The following MAN1A1 variants were observed in gnomAD, a reference collection of about 807,000 sequenced individuals.
The protein encoded by MAN1A1 is mannosyl-oligosaccharide 1,2-alpha-mannosidase IA.
Under a neutral mutation model 70.8 loss-of-function variants are expected in MAN1A1, and 29 were observed. The ratio of observed to expected loss-of-function variants is 0.41; its 90% CI spans 0.31 to 0.56. The LOEUF is 0.56. Among genes scored for constraint, MAN1A1 ranks in the 20% least tolerant of loss-of-function variants. The pLI is 0.29. For missense variants in MAN1A1, 747 were observed against 841.3 expected (o/e 0.89, Z 1.39); for synonymous variants, 349 against 330.1 (o/e 1.06, Z -0.62).
chr6:119,248,984 G>C (rs1420396792), intron 5 of MAN1A1, among the ~76,000 whole-genome samples: 2 of 152,178 alleles, frequency 1.3e-5, no homozygotes, highest in African/African-American at 4.8e-5. Context: ...TAAATATCTA[G>C]AACACAGATA....
chr6:119,212,984 C>T (rs1774094979), intron 6 of MAN1A1, among the ~76,000 whole-genome samples: 1 of 151,934 alleles, frequency 6.6e-6, no homozygotes, highest in Non-Finnish European at 1.5e-5. Context: ...TATTCAAATT[C>T]CCAAATGATG....
At chr6:119,239,352 C>T (rs1774940749) in intron 6 of MAN1A1, among the ~76,000 whole-genome samples, 1 of 152,148 alleles carries the variant, frequency 6.6e-6, no homozygotes, top group Non-Finnish European at 1.5e-5. Context: ...AGTATTGCTC[C>T]ATCACTTTTT....
chr6:119,194,078 T>C (rs958695512), intron 8 of MAN1A1, among the ~76,000 whole-genome samples, 186 bp from the exon 9 acceptor site: 4 of 152,214 alleles, frequency 2.6e-5, no homozygotes, highest in African/African-American at 9.7e-5. Context: ...TTAACTAATG[T>C]AACATACTCT....
intron 6 of MAN1A1, among the ~76,000 whole-genome samples, chr6:119,220,660 T>C (rs1170186168): frequency 6.6e-6 from 1 of 152,238 alleles, no homozygotes; most frequent in Non-Finnish European, 1.5e-5. Context: ...CAAGGTTAAG[T>C]GACTTGCTCC....
At position 119,195,187 on chromosome 6, in the gene MAN1A1, G is replaced by T. The variant is rs143296000; in HGVS notation, c.1211-1295C>A. Among the ~76,000 whole-genome samples, 344 of 152,180 alleles carry T rather than the reference G, an allele frequency of 2.3e-3. 2 individuals carry two copies. Among genetic ancestry groups the T allele is most frequent in the African/African-American group, 8.1e-3 (335 of 41,528 alleles). On this transcript the variant is annotated intron_variant, in intron 8 of 12. Transcript: ENST00000368468. ...TATTCCCCACATTAATGCCAGAATA[G>T]CCCTCTTAATACATGAATGAGATCA...
intron 11 of MAN1A1, among the ~76,000 whole-genome samples, chr6:119,181,542 G>C (rs564015138): frequency 1.3e-5 from 2 of 150,920 alleles, no homozygotes; most frequent in African/African-American, 4.9e-5. Flanking sequence ...TTCTGTAGTT[G>C]TCTGAATTTA....
intron 2 of MAN1A1, among the ~76,000 whole-genome samples, chr6:119,338,003 G>A (rs1232489482): frequency 6.7e-6 from 1 of 150,362 alleles, no homozygotes; most frequent in African/African-American, 2.4e-5. Context: ...GACTTCTCAG[G>A]CATTTCTAAT....
At position 119,349,197 on chromosome 6, in the gene MAN1A1, C is replaced by T. The variant is rs1031822845; in HGVS notation, c.-132G>A. Reference sequence around the variant, plus strand: ...GACCCCCTCGGCTGGGCTGCGGATCCTCCCTGGGGGAACAACTCCGCGCCG... The same window carrying T: ...GACCCCCTCGGCTGGGCTGCGGATCTTCCCTGGGGGAACAACTCCGCGCCG... On this transcript the variant is annotated 5_prime_UTR_variant, in exon 2 of 13. Coordinates refer to ENST00000368468, the MANE Select transcript of MAN1A1 (RefSeq NM_005907.4). 299 of 1,221,370 alleles carry T rather than the reference C, an allele frequency of 2.4e-4. No individual in the cohort carries two copies. The highest frequency in any genetic ancestry group is 2.8e-4 in the Non-Finnish European group (276 of 982,038). The allele number at this position is 1,221,370 out of a possible 1,614,324, so 75.7% of individuals were successfully genotyped here.
intron 5 of MAN1A1, among the ~76,000 whole-genome samples, chr6:119,271,805 A>AC (rs139906361): frequency 0.028 from 4,259 of 152,104 alleles, 93 homozygotes; most frequent in Non-Finnish European, 0.045. Context: ...CGCCCAGCCA[A>AC]CCCCCGGTTT....
chr6:119,312,483 T>C (rs1772737780), intron 2 of MAN1A1, among the ~76,000 whole-genome samples: 1 of 152,112 alleles, frequency 6.6e-6, no homozygotes, highest in South Asian at 2.1e-4. Flanking sequence ...CACTTATCCA[T>C]TGGAAGAGAA....
At chr6:119,246,512 A>G (rs1775170988) in intron 6 of MAN1A1, among the ~76,000 whole-genome samples, 1 of 152,182 alleles carries the variant, frequency 6.6e-6, no homozygotes, top group South Asian at 2.1e-4. Flanking sequence ...ATTAGCCAAG[A>G]GAGTTTAAAT....
At chr6:119,219,489 T>C (rs1461160849) in intron 6 of MAN1A1, among the ~76,000 whole-genome samples, 2 of 152,164 alleles carry the variant, frequency 1.3e-5, no homozygotes, top group African/African-American at 4.8e-5. Context: ...AATGGAATAA[T>C]ACACATGAAA....
intron 11 of MAN1A1, among the ~76,000 whole-genome samples, chr6:119,185,433 A>G (rs1773259820): frequency 6.6e-6 from 1 of 152,186 alleles, no homozygotes; most frequent in South Asian, 2.1e-4. Context: ...CTGGGAAGGG[A>G]GTGCTTTGTT....
chr6:119,295,611 C>T (rs916221739), intron 4 of MAN1A1, among the ~76,000 whole-genome samples: 1 of 152,076 alleles, frequency 6.6e-6, no homozygotes, highest in Non-Finnish European at 1.5e-5. Context: ...ACTTATCAGA[C>T]ATATTTAAAT....
intron 6 of MAN1A1, among the ~76,000 whole-genome samples, chr6:119,207,352 GA>G (rs1773893143): frequency 6.6e-6 from 1 of 152,092 alleles, no homozygotes; most frequent in South Asian, 2.1e-4. Context: ...ATGTTCATAT[GA>G]AAGGACATCT....
intron 5 of MAN1A1, among the ~76,000 whole-genome samples, chr6:119,277,658 C>CA (rs1776104785): frequency 6.6e-6 from 1 of 151,616 alleles, no homozygotes; most frequent in South Asian, 2.1e-4. Context: ...CTTATCTCTA[C>CA]AAAAAAATAA....
chr6:119,314,923 C>T (rs11153810), intron 2 of MAN1A1, among the ~76,000 whole-genome samples: 50,172 of 151,986 alleles, frequency 0.33, 8,737 homozygotes, highest in Non-Finnish European at 0.36. Flanking sequence ...TGGTGTTGTC[C>T]TATTCGACCT....
intron 5 of MAN1A1, among the ~76,000 whole-genome samples, chr6:119,273,945 C>T (rs1775989390): frequency 6.6e-6 from 1 of 152,160 alleles, no homozygotes; most frequent in Non-Finnish European, 1.5e-5. Context: ...GGAATTGCAA[C>T]ACCAAGTAGT....
chr6:119,224,452 G>A (rs1774449879), intron 6 of MAN1A1, among the ~76,000 whole-genome samples: 1 of 152,206 alleles, frequency 6.6e-6, no homozygotes, highest in African/African-American at 2.4e-5. Context: ...AAAACCAACA[G>A]CTGGAAATGG....
Sources: allele counts gnomAD v4.1 joint callset (sites outside exome capture counted in the v4.1 genomes callset), GRCh38; gene constraint gnomAD v4.1.1; transcripts MANE v1.5; gene names NCBI Gene and HGNC (gene_info 2026-07-23, HGNC 2026-07-21).